Variants in SUN2 observed in about 807,000 individuals in gnomAD.
SUN2 encodes the protein Sad1 and UNC84 domain containing 2, also known as SUN domain-containing protein 2.
A neutral mutation model predicts 100.0 loss-of-function variants in SUN2; 60 were observed. The observed-to-expected ratio is 0.60, with a 90% CI of 0.49 to 0.74. SUN2 has a LOEUF of 0.74. Among genes scored for constraint, SUN2 ranks in the 30% least tolerant of loss-of-function variants. SUN2 has a pLI of 0.00. For synonymous variants in SUN2, 367 were observed against 403.3 expected, an observed-to-expected ratio of 0.91 and a Z score of 1.08; for missense variants, 834 against 954.6, an observed-to-expected ratio of 0.87 and a Z score of 1.66.
Position 38,739,396 on chromosome 22 carries a change from G to A in SUN2, c.1609C>T (p.Gln537Ter). Residue 537 changes from glutamine (Q) to a stop codon, truncating the protein, a stop_gained, in exon 14 of 18, where the codon CAG becomes TAG. Transcript: ENST00000689035. LOFTEE classifies it high-confidence loss of function. The surrounding 1 kb of genome is among the most constrained non-coding windows in gnomAD (Gnocchi z 6.7). ...CCGATGCGGTCCTCACTGTAGCGCT[G>A]CAGGGCCTGCTTCACGATGTGGTGC... ...QVHHIVKQAL[Q>*]RYSEDRIGLA... is the part of the protein sequence containing the mutation. The A allele has an allele frequency of 6.2e-7, 1 of 1,613,158 alleles. No homozygotes were observed. The highest frequency in any genetic ancestry group is 8.5e-7 in the Non-Finnish European group (1 of 1,180,030).
chr22:38,751,489 G>T, intron 2 of SUN2, 116 bp from the exon 3 acceptor site: 1 of 1,118,774 alleles, frequency 8.9e-7, no homozygotes, highest in Non-Finnish European at 1.3e-6. Context: ...TTCCCTTGTT[G>T]CTAGGCAACT....
Position 38,741,000 on chromosome 22 carries a change from C to T in SUN2, c.1190+7G>A. 2 of 1,590,852 alleles carry T rather than the reference C, an allele frequency of 1.3e-6. No homozygotes were observed. The highest frequency in any genetic ancestry group is 1.1e-5 in the South Asian group (1 of 87,470). ...GCAGGCCGAGGCCAGCTGGTGGCGC[C>T]CAGTACCTTTGCCACTCTGACTTCA... is the stretch of plus-strand genomic sequence containing the variant. On this transcript the variant is annotated splice_region_variant and intron_variant, in intron 11 of 17. Coordinates refer to ENST00000689035, the MANE Select transcript of SUN2 (RefSeq NM_015374.3). This position sits in a 1 kb window ranked among gnomAD's most constrained non-coding sequence, Gnocchi z 4.8.
At chr22:38,754,628 C>T (rs763717098) in intron 1 of SUN2, 14 of 1,270,260 alleles carry the variant, frequency 1.1e-5, no homozygotes, top group Middle Eastern at 2.2e-4. Flanking sequence ...CTGCCCCGCC[C>T]GTACGGTCCC....
At position 38,738,627 on chromosome 22, in the gene SUN2, T is replaced by C. The variant is rs746551792; in HGVS notation, c.1907A>G (p.Asn636Ser). ...LEHVPKALSPNSTISSAPKDF... is the reference protein window; with the variant it reads ...LEHVPKALSPSSTISSAPKDF... ...CTTGGGGGCACTGGAGATAGTGCTG[T>C]TGGGTGACAAGGCCTTGGGCACATG... Residue 636 changes from asparagine (N) to serine (S), a missense_variant, in exon 16 of 18, where the codon AAC becomes AGC. Asn to Ser is a conservative substitution (Grantham distance 46). Around this residue, in one of 3 missense-constraint regions of SUN2, gnomAD observed 195 missense variants for 280.2 expected, o/e 0.70. Transcript: ENST00000689035. The surrounding 1 kb of genome is among the most constrained non-coding windows in gnomAD (Gnocchi z 6.6). The C allele has an allele frequency of 1.2e-6, 2 of 1,613,916 alleles. No homozygotes were observed. Among genetic ancestry groups the C allele is most frequent in the Non-Finnish European group, 1.7e-6 (2 of 1,179,964 alleles).
chr22:38,740,526 T>C lies in SUN2; in HGVS notation c.1191-94A>G. On this transcript the variant is annotated intron_variant, in intron 11 of 17. Coordinates refer to ENST00000689035, the MANE Select transcript of SUN2 (RefSeq NM_015374.3). This position sits in a 1 kb window ranked among gnomAD's most constrained non-coding sequence, Gnocchi z 4.8. ...AAGAGGACCCCCTAGTGGGCTCCCGTCAGGAGAGCGGGTGCCCAGCACTCA... is the reference window on the plus strand; with the variant it reads ...AAGAGGACCCCCTAGTGGGCTCCCGCCAGGAGAGCGGGTGCCCAGCACTCA... 1 of 1,340,114 alleles carries C rather than the reference T, an allele frequency of 7.5e-7. No homozygotes were observed. The allele number at this position is 1,340,114 out of a possible 1,614,324, so 83.0% of individuals were successfully genotyped here.
rs1414576741 is a variant in SUN2 at position 38,745,674 on chromosome 22, A to G, written c.813+10T>C. The G allele has an allele frequency of 3.1e-6, 5 of 1,613,014 alleles. No homozygotes were observed. Among genetic ancestry groups the G allele is most frequent in the Admixed American group, 1.7e-5 (1 of 60,002 alleles). ...TAAGCTCTTGGGAGCTACCACCCTC[A>G]GAGACTCACCTGGAAATGTGGCGAT... On this transcript the variant is annotated intron_variant, in intron 8 of 17. Coordinates refer to ENST00000689035, the MANE Select transcript of SUN2 (RefSeq NM_015374.3).
rs1369027975 is a variant in SUN2, at chr22:38,755,793, G to T, written c.-68C>A. On this transcript the variant is annotated 5_prime_UTR_variant, in exon 1 of 18. Coordinates refer to ENST00000689035, the MANE Select transcript of SUN2 (RefSeq NM_015374.3). The surrounding 1 kb of genome is among the most constrained non-coding windows in gnomAD (Gnocchi z 5.7). ...GCCGCGGCGGCTTCTAGCCCGGCCGGGGGCGTCCGAGGCCAGGCCGCCGCC... is the reference window on the plus strand; with the variant it reads ...GCCGCGGCGGCTTCTAGCCCGGCCGTGGGCGTCCGAGGCCAGGCCGCCGCC... 1.6e-5 allele frequency: 16 copies of T among 984,286 alleles called. No homozygotes were observed. The highest frequency in any genetic ancestry group is 1.8e-5 in the Non-Finnish European group (15 of 829,590). The allele number at this position is 984,286 out of a possible 1,614,324, so 61.0% of individuals were successfully genotyped here.
chr22:38,745,889 C>A (rs1830297697), intron 7 of SUN2, 78 bp from the exon 8 acceptor site: 2 of 1,554,878 alleles, frequency 1.3e-6, no homozygotes, highest in Middle Eastern at 2.1e-4. Context: ...GCTACCTGAT[C>A]CCTGCCAGTG....
chr22:38,742,263 G>A, intron 9 of SUN2, 38 bp downstream of exon 9: 1 of 1,554,794 alleles, frequency 6.4e-7, no homozygotes, highest in South Asian at 1.2e-5. Flanking sequence ...TCCTATGGGT[G>A]TCACCCACCT....
chr22:38,738,944 T>C lies in SUN2; in HGVS notation c.1708A>G (p.Lys570Glu). ...STRCSETYET[K>E]TALLSLFGIP... ...CCGAAGAGGCTGAGGAGGGCCGTCT[T>C]GGTCTCGTAGGTCTCAGAACATCGG... Residue 570 changes from lysine (K) to glutamate (E), a missense_variant, in exon 15 of 18, where the codon AAG becomes GAG. This residue lies in a region of SUN2 where 195 missense variants were observed against 280.2 expected (regional missense o/e 0.70). Transcript: ENST00000689035. This position sits in a 1 kb window ranked among gnomAD's most constrained non-coding sequence, Gnocchi z 6.6. 6.2e-7 allele frequency: 1 copy of C among 1,613,696 alleles called. No homozygotes were observed. The highest frequency in any genetic ancestry group is 1.3e-5 in the African/African-American group (1 of 75,006).
Position 38,737,359 on chromosome 22 carries a change from C to G in SUN2, c.2040+814G>C, listed in dbSNP as rs1219499001. On this transcript the variant is annotated intron_variant, in intron 17 of 17. Coordinates refer to ENST00000689035, the MANE Select transcript of SUN2 (RefSeq NM_015374.3). The surrounding 1 kb of genome is among the most constrained non-coding windows in gnomAD (Gnocchi z 4.1). ...CCCCATCCAACTGGACATTCACGAC[C>G]CTCCCTGCTACGTCTTTGTCCTCAC... 1.3e-5 allele frequency among the ~76,000 whole-genome samples: 2 copies of G among 152,104 alleles called. No individual in the cohort carries two copies. The highest frequency in any genetic ancestry group is 1.3e-4 in the Admixed American group (2 of 15,274).
chr22:38,738,108 A>C lies in SUN2; in HGVS notation c.2040+65T>G, dbSNP rs763930420. ...CCCATGCCTGGCAGGGTAAGTGCCC[A>C]GGGAGCACCTGCTGCCTGGATGGGG... On this transcript the variant is annotated intron_variant, in intron 17 of 17. Coordinates refer to ENST00000689035, the MANE Select transcript of SUN2 (RefSeq NM_015374.3). This position sits in a 1 kb window ranked among gnomAD's most constrained non-coding sequence, Gnocchi z 6.6. 6.9e-7 allele frequency: 1 copy of C among 1,456,534 alleles called. No individual in the cohort carries two copies. The highest frequency in any genetic ancestry group is 1.4e-5 in the African/African-American group (1 of 71,974). 90.2% of individuals were successfully genotyped at this position (1,456,534 alleles called of 1,614,324 possible).
Position 38,738,376 on chromosome 22 carries a change from G to A in SUN2, c.1948-111C>T. 1 of 1,129,814 alleles carries A rather than the reference G, an allele frequency of 8.9e-7. No homozygotes were observed. 70.0% of individuals were successfully genotyped at this position (1,129,814 alleles called of 1,614,324 possible). On this transcript the variant is annotated intron_variant, in intron 16 of 17. Transcript: ENST00000689035. This position sits in a 1 kb window ranked among gnomAD's most constrained non-coding sequence, Gnocchi z 6.6. ...CAGGTCAGGCACCAGAGTGGCCTAT[G>A]ACAAGTCACTTCACTCTCTTGTGCC...
intron 8 of SUN2, chr22:38,745,039 C>T: frequency 4.2e-6 from 2 of 471,208 alleles, no homozygotes; most frequent in Non-Finnish European, 8.8e-6. Context: ...CTGGATTTGG[C>T]TCTGAGATTT....
At position 38,744,286 on chromosome 22, in the gene SUN2, A is replaced by G. The variant is rs959175105; in HGVS notation, c.813+1398T>C. On this transcript the variant is annotated intron_variant, in intron 8 of 17. Coordinates refer to ENST00000689035, the MANE Select transcript of SUN2 (RefSeq NM_015374.3). ...CAAAAAAAAAAAAAAAAAAAAAAAA[A>G]GTGATACTATGCCAGGTGCAGTGAC... 4.1e-5 allele frequency among the ~76,000 whole-genome samples: 6 copies of G among 144,862 alleles called. No homozygotes were observed. In the South Asian group the frequency reaches 1.3e-3, roughly 32 times the overall value.
At chr22:38,741,841 G>GC (rs750617696) in intron 9 of SUN2, among the ~76,000 whole-genome samples, 4 of 152,214 alleles carry the variant, frequency 2.6e-5, no homozygotes, top group Non-Finnish European at 5.9e-5. Flanking sequence ...GGAAACTGAG[G>GC]CTTAGAGAAG....
At position 38,738,789 on chromosome 22, in the gene SUN2, C is replaced by T. The variant is rs991066024; in HGVS notation, c.1780-35G>A. ...CAGAAAGTCATGTCAGGACAGGGCC[C>T]TGAGTCCAGCTCTTGCTGACCCCAG... On this transcript the variant is annotated intron_variant, in intron 15 of 17. Transcript: ENST00000689035. This position sits in a 1 kb window ranked among gnomAD's most constrained non-coding sequence, Gnocchi z 6.6. 5 of 1,607,154 alleles carry T rather than the reference C, an allele frequency of 3.1e-6. No homozygotes were observed. Among genetic ancestry groups the T allele is most frequent in the Non-Finnish European group, 3.4e-6 (4 of 1,175,478 alleles).
intron 6 of SUN2, chr22:38,749,124 C>G: frequency 3.9e-6 from 1 of 256,832 alleles, no homozygotes; most frequent in Admixed American, 4.8e-5. Context: ...AACAAGGAAC[C>G]TGTTTTTGGT....
Position 38,755,683 on chromosome 22 carries a change from C to G in SUN2, c.-38+80G>C. The G allele has an allele frequency of 1.0e-6, 1 of 979,826 alleles. No homozygotes were observed. Among genetic ancestry groups the G allele is most frequent in the Non-Finnish European group, 1.2e-6 (1 of 825,020 alleles). 60.7% of individuals were successfully genotyped at this position (979,826 alleles called of 1,614,324 possible). On this transcript the variant is annotated intron_variant, in intron 1 of 17. Coordinates refer to ENST00000689035, the MANE Select transcript of SUN2 (RefSeq NM_015374.3). This position sits in a 1 kb window ranked among gnomAD's most constrained non-coding sequence, Gnocchi z 5.7. ...GGAAGCAGGCCTGGCGGCGCGGCCC[C>G]GCCCGAGTGGCCCGACGGTGACCCG...
Sources: allele counts gnomAD v4.1 joint callset (sites outside exome capture counted in the v4.1 genomes callset), GRCh38; gene constraint gnomAD v4.1.1; regional missense constraint gnomAD v4.1.1; non-coding constraint Gnocchi (gnomAD v3.1); transcripts MANE v1.5; gene names NCBI Gene and HGNC (gene_info 2026-07-23, HGNC 2026-07-21).